Variants in EXT1 observed in about 807,000 individuals in gnomAD.
The protein encoded by EXT1 is exostosin glycosyltransferase 1, also known as exostosin-1.
EXT1 carries 20 observed loss-of-function variants against 82.5 expected under a neutral mutation model. That is an observed-to-expected ratio of 0.24 (90% CI 0.17 to 0.35). The LOEUF is 0.35. Ranked by LOEUF, EXT1 falls within the 10% of genes least tolerant of loss-of-function variation. The probability of loss-of-function intolerance (pLI) is 1.00; values close to 1 mark genes in which losing one functional copy is unlikely to be tolerated. For missense variants in EXT1, 757 were observed against 936.5 expected (o/e 0.81, Z 2.50); for synonymous variants, 348 against 350.8 (o/e 0.99, Z 0.09).
intron 8 of EXT1, among the ~76,000 whole-genome samples, chr8:117,811,520 G>A (rs1290912757): frequency 6.6e-6 from 1 of 152,104 alleles, no homozygotes; most frequent in Non-Finnish European, 1.5e-5. Context: ...TTTTAACAAG[G>A]TGAGGTCCAG....
chr8:117,970,689 T>G (rs573737094), intron 1 of EXT1, among the ~76,000 whole-genome samples: 4 of 152,200 alleles, frequency 2.6e-5, no homozygotes, highest in Non-Finnish European at 5.9e-5. Context: ...GTGGGTTAGT[T>G]GAAATTCTTG....
chr8:118,004,367 G>T (rs1436228384), intron 1 of EXT1, among the ~76,000 whole-genome samples: 1 of 152,190 alleles, frequency 6.6e-6, no homozygotes, highest in Non-Finnish European at 1.5e-5. Context: ...TCCAGGACCT[G>T]GCACATTTAG....
At chr8:118,027,588 T>G (rs549110757) in intron 1 of EXT1, among the ~76,000 whole-genome samples, 12 of 152,232 alleles carry the variant, frequency 7.9e-5, no homozygotes, top group Non-Finnish European at 1.5e-4. Flanking sequence ...CAGATTACTT[T>G]TTGACCACAC....
intron 1 of EXT1, among the ~76,000 whole-genome samples, chr8:117,867,260 G>A (rs78587614): frequency 8.2e-4 from 81 of 98,878 alleles, no homozygotes; most frequent in Non-Finnish European, 7.7e-4. Context: ...CTCCACCTCA[G>A]AAAAAAAAAA....
chr8:118,003,547 A>G (rs1487976440), intron 1 of EXT1, among the ~76,000 whole-genome samples: 2 of 152,228 alleles, frequency 1.3e-5, no homozygotes, highest in African/African-American at 4.8e-5. Flanking sequence ...GTTTCCCTTA[A>G]AAGCCAACTA....
At chr8:117,905,315 A>G (rs1285896091) in intron 1 of EXT1, among the ~76,000 whole-genome samples, 2 of 152,174 alleles carry the variant, frequency 1.3e-5, no homozygotes, top group African/African-American at 2.4e-5. Flanking sequence ...AGGTACCAAC[A>G]AGTATTATTC....
At chr8:117,979,849 GA>G (rs1322250894) in intron 1 of EXT1, among the ~76,000 whole-genome samples, 7 of 152,176 alleles carry the variant, frequency 4.6e-5, no homozygotes, top group Non-Finnish European at 1.5e-5. Context: ...GAGTGACAGA[GA>G]AAAGCTAGAA....
intron 8 of EXT1, among the ~76,000 whole-genome samples, chr8:117,811,686 C>T (rs543648282): frequency 1.3e-5 from 2 of 151,456 alleles, no homozygotes; most frequent in African/African-American, 2.4e-5. Context: ...GTACGATGTC[C>T]GCTCACTGTA....
chr8:118,069,034 G>A (rs1024891072), intron 1 of EXT1, among the ~76,000 whole-genome samples: 1 of 152,098 alleles, frequency 6.6e-6, no homozygotes. Context: ...TTCTAGCATA[G>A]TATCTGGTTC....
At chr8:118,028,472 C>T (rs1396307490) in intron 1 of EXT1, among the ~76,000 whole-genome samples, 3 of 151,816 alleles carry the variant, frequency 2.0e-5, no homozygotes. Flanking sequence ...GTCTGATAGC[C>T]TGGTAGTTTC....
At chr8:117,843,311 G>A (rs188281572) in intron 1 of EXT1, among the ~76,000 whole-genome samples, 127 of 152,276 alleles carry the variant, frequency 8.3e-4, no homozygotes, top group African/African-American at 2.8e-3. Context: ...GTTATCAAAT[G>A]ATGATTAGTC....
intron 1 of EXT1, among the ~76,000 whole-genome samples, chr8:118,001,519 A>G (rs1815665702): frequency 6.6e-6 from 1 of 151,946 alleles, no homozygotes; most frequent in Non-Finnish European, 1.5e-5. Flanking sequence ...AACATGCAGT[A>G]TCTACTGGTT....
At chr8:117,945,626 G>T (rs1056020590) in intron 1 of EXT1, among the ~76,000 whole-genome samples, 1 of 151,440 alleles carries the variant, frequency 6.6e-6, no homozygotes, top group Non-Finnish European at 1.5e-5. Flanking sequence ...CTCAGCCTCC[G>T]GAGTAGCTGA....
intron 1 of EXT1, among the ~76,000 whole-genome samples, chr8:117,892,820 G>A (rs577942120): frequency 6.6e-6 from 1 of 152,344 alleles, no homozygotes; most frequent in East Asian, 1.9e-4. Flanking sequence ...ATGTGCAGAT[G>A]AGTTGGCTGT....
intron 1 of EXT1, among the ~76,000 whole-genome samples, chr8:117,987,908 CA>C (rs958165566): frequency 2.6e-5 from 4 of 152,040 alleles, no homozygotes; most frequent in African/African-American, 9.7e-5. Context: ...GGCAACATAG[CA>C]AAATCTCGTC....
chr8:118,035,257 G>A (rs911150328), intron 1 of EXT1, among the ~76,000 whole-genome samples: 19 of 152,240 alleles, frequency 1.2e-4, no homozygotes, highest in African/African-American at 4.6e-4. Flanking sequence ...AGGAAGCTTG[G>A]AATTTGGAGG....
chr8:117,818,420 C>T lies in EXT1; in HGVS notation c.1632+15G>A. The T allele has an allele frequency of 6.2e-7, 1 of 1,612,192 alleles. No homozygotes were observed. The highest frequency in any genetic ancestry group is 1.1e-5 in the South Asian group (1 of 91,016). Reference sequence around the variant, plus strand: ...TCCACAGTGGTTCCACATATAGGTCCCCTTCGAGTCTTACCTTGCTCTCTC... The same window carrying T: ...TCCACAGTGGTTCCACATATAGGTCTCCTTCGAGTCTTACCTTGCTCTCTC... On this transcript the variant is annotated intron_variant, in intron 7 of 10. Transcript: ENST00000378204.
At chr8:117,890,927 C>T (rs1400629742) in intron 1 of EXT1, among the ~76,000 whole-genome samples, 1 of 152,212 alleles carries the variant, frequency 6.6e-6, no homozygotes, top group Non-Finnish European at 1.5e-5. Context: ...ATTTTCTCCT[C>T]TTTTACCCAC....
chr8:118,057,647 G>A (rs1470268505), intron 1 of EXT1, among the ~76,000 whole-genome samples: 1 of 150,660 alleles, frequency 6.6e-6, no homozygotes, highest in Non-Finnish European at 1.5e-5. Flanking sequence ...CATATTGAGG[G>A]GTTCAAAAAA....
Sources: gnomAD v4.1 joint callset for allele counts (sites outside exome capture counted in the v4.1 genomes callset) on GRCh38, gnomAD v4.1.1 for gene constraint, MANE v1.5 for transcripts, NCBI Gene and HGNC (gene_info 2026-07-23, HGNC 2026-07-21) for gene names.